TMTC4: variants seen among roughly 807,000 people sequenced by gnomAD.
TMTC4 encodes the protein protein O-mannosyl-transferase TMTC4.
TMTC4 carries 65 observed loss-of-function variants against 86.0 expected under a neutral mutation model. The observed-to-expected ratio is 0.76, with a 90% CI of 0.62 to 0.93. The LOEUF is 0.93. TMTC4 is among the 40% of genes least tolerant of loss of function. The pLI, the probability that TMTC4 is intolerant of heterozygous loss-of-function variation, is 0.00. For synonymous variants in TMTC4, 379 were observed against 382.5 expected (o/e 0.99, Z 0.11); for missense variants, 866 against 948.1 (o/e 0.91, Z 1.14).
chr13:100,668,917 ACAATTTGAAGCTGTGCTTCC>A lies in TMTC4; in HGVS notation c.4-143_4-124del, dbSNP rs565255066. The A allele has an allele frequency of 1.5e-3, 1,610 of 1,052,282 alleles. 19 individuals carry two copies. The East Asian group carries it at 0.028, about 18-fold the overall frequency. 65.2% of individuals were successfully genotyped at this position (1,052,282 alleles called of 1,614,324 possible). On this transcript the variant is annotated intron_variant, in intron 2 of 18. Coordinates refer to ENST00000342624, the MANE Select transcript of TMTC4 (RefSeq NM_032813.5). Reference sequence around the variant, plus strand: ...ATGATTTTATAGGATGTGATCAGTAACAATTTGAAGCTGTGCTTCCCAAACTTTAGTGGGCAGAAAAGTCA... The same window carrying A: ...ATGATTTTATAGGATGTGATCAGTAACAAACTTTAGTGGGCAGAAAAGTCA...
At chr13:100,623,724 T>C (rs1325292873) in intron 15 of TMTC4, among the ~76,000 whole-genome samples, 4 of 148,910 alleles carry the variant, frequency 2.7e-5, no homozygotes, top group Non-Finnish European at 5.9e-5. Context: ...TGAAACTTTA[T>C]AGCACATTTT....
chr13:100,674,061 C>T, intron 1 of TMTC4: 1 of 985,268 alleles, frequency 1.0e-6, no homozygotes, highest in Non-Finnish European at 1.2e-6. Flanking sequence ...ACAACATCAA[C>T]AAGACCAGAA....
At position 100,636,540 on chromosome 13, in the gene TMTC4, G is replaced by C; in HGVS notation, c.1194C>G (p.His398Gln). The change falls in exon 10 of 19, where the codon CAC becomes CAG. Residue 398 changes from histidine (H) to glutamine (Q), a missense_variant. Transcript: ENST00000342624. ...ICQALCSEDG[H>Q]KRRILTLGLG... is the part of the protein sequence containing the mutation. ...TCAGTGCTGCCTCTTACCTTCTCTTGTGGCCGTCTTCAGAGCACAGGGCTT... is the reference window on the plus strand; with the variant it reads ...TCAGTGCTGCCTCTTACCTTCTCTTCTGGCCGTCTTCAGAGCACAGGGCTT... 6.2e-7 allele frequency: 1 copy of C among 1,614,194 alleles called. No homozygotes were observed. Among genetic ancestry groups the C allele is most frequent in the Non-Finnish European group, 8.5e-7 (1 of 1,180,046 alleles).
intron 3 of TMTC4, among the ~76,000 whole-genome samples, chr13:100,667,918 C>T (rs908476366): frequency 1.6e-4 from 24 of 152,208 alleles, no homozygotes; most frequent in African/African-American, 3.9e-4. Flanking sequence ...TCTGCCCTAA[C>T]TCCGGGTAGG....
At chr13:100,650,756 TCCCA>T (rs1378588766) in intron 6 of TMTC4, among the ~76,000 whole-genome samples, 1 of 152,174 alleles carries the variant, frequency 6.6e-6, no homozygotes, top group Non-Finnish European at 1.5e-5. Context: ...TCTGCATGAC[TCCCA>T]CCGTCAGAAT....
At chr13:100,655,131 C>G (rs975236810) in intron 6 of TMTC4, among the ~76,000 whole-genome samples, 5 of 151,014 alleles carry the variant, frequency 3.3e-5, no homozygotes, top group Non-Finnish European at 5.9e-5. Context: ...AAACGATTCT[C>G]CTGCCTCAGC....
chr13:100,661,334 C>A (rs774831393), intron 5 of TMTC4, among the ~76,000 whole-genome samples: 48 of 152,114 alleles, frequency 3.2e-4, no homozygotes, highest in Non-Finnish European at 6.2e-4. Context: ...TTCAGTTATA[C>A]CTGTTGGCAC....
At chr13:100,670,184 C>A (rs942877664) in intron 2 of TMTC4, 176 bp downstream of exon 2, 7 of 590,170 alleles carry the variant, frequency 1.2e-5, no homozygotes, top group African/African-American at 1.2e-4. Context: ...AGAATTCCAG[C>A]CCCCTGATTG....
At chr13:100,609,574 G>C (rs1466128354) in intron 17 of TMTC4, among the ~76,000 whole-genome samples, 1 of 152,000 alleles carries the variant, frequency 6.6e-6, no homozygotes, top group Non-Finnish European at 1.5e-5. Flanking sequence ...TACCACATTA[G>C]CTTGAAACTG....
At chr13:100,669,973 G>A (rs1336046030) in intron 2 of TMTC4, among the ~76,000 whole-genome samples, 1 of 152,148 alleles carries the variant, frequency 6.6e-6, no homozygotes, top group Admixed American at 6.5e-5. Context: ...GGGTTAAATA[G>A]GATTCCCAGC....
rs1876286620 is a variant in TMTC4 at position 100,604,519 on chromosome 13, A to C, written c.*475T>G. The C allele has an allele frequency of 6.6e-6, 1 of 152,320 alleles. No homozygotes were observed. Among genetic ancestry groups the C allele is most frequent in the Non-Finnish European group, 1.5e-5 (1 of 68,106 alleles). 9.4% of individuals were successfully genotyped at this position (152,320 alleles called of 1,614,324 possible). Reference sequence around the variant, plus strand: ...AAGTTCACAGTATGTTGTTTTAAAAAAAAGAGATAAAAAAACTTAATTTGC... The same window carrying C: ...AAGTTCACAGTATGTTGTTTTAAAACAAAGAGATAAAAAAACTTAATTTGC... On this transcript the variant is annotated 3_prime_UTR_variant, in exon 19 of 19. Transcript: ENST00000342624.
chr13:100,672,957 C>CA (rs1200841658), intron 1 of TMTC4, among the ~76,000 whole-genome samples: 1 of 152,070 alleles, frequency 6.6e-6, no homozygotes, highest in African/African-American at 2.4e-5. Context: ...TATGAAGCAA[C>CA]AAAAAGAGAG....
intron 15 of TMTC4, among the ~76,000 whole-genome samples, chr13:100,618,660 G>A (rs1349464445): frequency 6.6e-6 from 1 of 151,908 alleles, no homozygotes; most frequent in Non-Finnish European, 1.5e-5. Flanking sequence ...TTGTGTCCCT[G>A]GGTACTTGAG....
At chr13:100,637,500 A>G in intron 9 of TMTC4, 38 bp downstream of exon 9, 1 of 1,576,628 alleles carries the variant, frequency 6.3e-7, no homozygotes, top group Non-Finnish European at 8.6e-7. Context: ...CTGGTGGGGG[A>G]AGAAAAGAGT....
chr13:100,626,220 T>G, intron 12 of TMTC4, 70 bp from the exon 13 acceptor site: 1 of 1,479,066 alleles, frequency 6.8e-7, no homozygotes, highest in Non-Finnish European at 9.4e-7. Context: ...CCATCACATC[T>G]TCTAACTGAA....
chr13:100,663,816 T>C (rs1225233398), intron 4 of TMTC4, among the ~76,000 whole-genome samples: 3 of 152,146 alleles, frequency 2.0e-5, no homozygotes, highest in Non-Finnish European at 2.9e-5. Flanking sequence ...GGCTCCCTGA[T>C]TAACGGAGGG....
chr13:100,656,441 G>A lies in TMTC4; in HGVS notation c.580C>T (p.Leu194Phe), dbSNP rs1422488598. ...CVAGVVGRAD[L>F]LCALFFLLSF... ...AACAAGAAGAACAGGGCACACAGGA[G>A]GTCTGCACGGCCGACAACACCAGCA... Residue 194 changes from leucine to phenylalanine, a missense_variant, in exon 6 of 19, where the codon CTC becomes TTC. Coordinates refer to ENST00000342624, the MANE Select transcript of TMTC4 (RefSeq NM_032813.5). The A allele has an allele frequency of 1.2e-6, 2 of 1,611,488 alleles. No homozygotes were observed. Among genetic ancestry groups the A allele is most frequent in the African/African-American group, 1.3e-5 (1 of 74,882 alleles).
At chr13:100,636,876 A>T (rs1436799882) in intron 9 of TMTC4, 142 bp from the exon 10 acceptor site, 1 of 806,586 alleles carries the variant, frequency 1.2e-6, no homozygotes, top group Admixed American at 2.4e-5. Context: ...GCCAACGTGT[A>T]TTGGGTATGT....
intron 5 of TMTC4, 85 bp downstream of exon 5, chr13:100,662,879 G>C (rs1885945849): frequency 5.5e-6 from 8 of 1,446,532 alleles, no homozygotes; most frequent in Non-Finnish European, 1.9e-6. Flanking sequence ...TACATAAAGG[G>C]AGCCTGTTTT....
Sources: gnomAD v4.1 joint callset for allele counts (sites outside exome capture counted in the v4.1 genomes callset) on GRCh38, gnomAD v4.1.1 for gene constraint, MANE v1.5 for transcripts, NCBI Gene and HGNC (gene_info 2026-07-23, HGNC 2026-07-21) for gene names.